Variants in AIG1 observed in about 807,000 individuals in gnomAD.
AIG1 encodes androgen-induced gene 1 protein.
Under a neutral mutation model 31.4 loss-of-function variants are expected in AIG1, and 23 were observed. The ratio of observed to expected loss-of-function variants is 0.73; its 90% CI spans 0.53 to 1.04. The LOEUF (loss-of-function observed/expected upper bound fraction) is 1.04. AIG1 is among the 50% of genes least tolerant of loss of function. The pLI, the probability that AIG1 is intolerant of heterozygous loss-of-function variation, is 0.00. For missense variants in AIG1, 274 were observed against 295.0 expected, an observed-to-expected ratio of 0.93 and a Z score of 0.52; for synonymous variants, 100 against 110.5, an observed-to-expected ratio of 0.90 and a Z score of 0.60.
At chr6:143,114,964 C>CAAGT (rs1781616516) in intron 1 of AIG1, among the ~76,000 whole-genome samples, 1 of 152,328 alleles carries the variant, frequency 6.6e-6, no homozygotes, top group Admixed American at 6.5e-5. Context: ...AGTCAGCATC[C>CAAGT]AAGTAGGGTT....
chr6:143,087,406 G>C (rs937529863), intron 1 of AIG1, among the ~76,000 whole-genome samples: 1 of 152,230 alleles, frequency 6.6e-6, no homozygotes, highest in Non-Finnish European at 1.5e-5. Flanking sequence ...CCAGTGACTA[G>C]TGTTCAGCTC....
At chr6:143,085,822 A>G (rs9386022) in intron 1 of AIG1, among the ~76,000 whole-genome samples, 3 of 152,198 alleles carry the variant, frequency 2.0e-5, no homozygotes, top group African/African-American at 4.8e-5. Flanking sequence ...GGGAGGTGCC[A>G]TCTGTCCTCC....
intron 4 of AIG1, among the ~76,000 whole-genome samples, chr6:143,287,645 G>A (rs1210515236): frequency 2.1e-5 from 3 of 143,114 alleles, no homozygotes; most frequent in Non-Finnish European, 4.5e-5. Context: ...AGCTTAATCA[G>A]AAGTAAAACA....
rs1338347531 is a variant in AIG1, at chr6:143,297,954, A to G, written c.515+13729A>G. ...GATGTGTAAGTCACCCATAAAGCTGAGAATTACGTACAAAACTCTTACATA... is the reference window on the plus strand; with the variant it reads ...GATGTGTAAGTCACCCATAAAGCTGGGAATTACGTACAAAACTCTTACATA... On this transcript the variant is annotated intron_variant, in intron 4 of 5. Coordinates refer to ENST00000357847, the MANE Select transcript of AIG1 (RefSeq NM_016108.4). The surrounding 1 kb of genome is among the most constrained non-coding windows in gnomAD (Gnocchi z 5.1). Among the ~76,000 whole-genome samples the G allele has an allele frequency of 6.6e-6, 1 of 152,158 alleles. No homozygotes were observed. The highest frequency in any genetic ancestry group is 1.5e-5 in the Non-Finnish European group (1 of 68,036).
chr6:143,286,238 G>A (rs571555056), intron 4 of AIG1, among the ~76,000 whole-genome samples: 1 of 152,172 alleles, frequency 6.6e-6, no homozygotes, highest in African/African-American at 2.4e-5. Context: ...GTTCCAAAGA[G>A]ACACATGGGA....
chr6:143,102,491 A>C (rs1780381191), intron 1 of AIG1, among the ~76,000 whole-genome samples: 1 of 147,360 alleles, frequency 6.8e-6, no homozygotes, highest in Non-Finnish European at 1.5e-5. Flanking sequence ...TATATATAAA[A>C]ATATATAATA....
intron 1 of AIG1, among the ~76,000 whole-genome samples, chr6:143,072,861 A>G (rs560028571): frequency 6.6e-6 from 1 of 152,314 alleles, no homozygotes; most frequent in South Asian, 2.1e-4. Context: ...AGATTTGCCC[A>G]TTTTTTGATT....
intron 3 of AIG1, among the ~76,000 whole-genome samples, chr6:143,274,376 A>T (rs1796747970): frequency 6.6e-6 from 1 of 152,232 alleles, no homozygotes; most frequent in Non-Finnish European, 1.5e-5. Context: ...GATGATGATA[A>T]TAACATATAC....
chr6:143,243,140 T>C (rs1046371484), intron 3 of AIG1, among the ~76,000 whole-genome samples: 1 of 152,200 alleles, frequency 6.6e-6, no homozygotes, highest in African/African-American at 2.4e-5. Context: ...ATCTTCCTTT[T>C]AGAAAAAAAT....
chr6:143,201,233 C>G (rs1408382771), intron 3 of AIG1, among the ~76,000 whole-genome samples: 2 of 151,954 alleles, frequency 1.3e-5, no homozygotes, highest in Non-Finnish European at 2.9e-5. Context: ...GTGGCTTGTG[C>G]CTGTAGTCCC....
chr6:143,060,838 G>C (rs1477023570), upstream of AIG1: 1 of 804,596 alleles, frequency 1.2e-6, no homozygotes, highest in Non-Finnish European at 1.5e-6. Context: ...CCCGCGCCCG[G>C]GTTCCCACGG....
At chr6:143,273,741 T>A (rs1247811862) in intron 3 of AIG1, among the ~76,000 whole-genome samples, 1 of 152,004 alleles carries the variant, frequency 6.6e-6, no homozygotes, top group African/African-American at 2.4e-5. Flanking sequence ...AACCATCAGA[T>A]CTTGTGAGAC....
At chr6:143,267,639 G>T (rs889728247) in intron 3 of AIG1, among the ~76,000 whole-genome samples, 2 of 152,130 alleles carry the variant, frequency 1.3e-5, no homozygotes, top group African/African-American at 2.4e-5. Context: ...CCTCATCTTG[G>T]TTCCTTCTTC....
intron 4 of AIG1, among the ~76,000 whole-genome samples, chr6:143,312,297 A>G (rs1230227119): frequency 1.3e-5 from 2 of 152,124 alleles, no homozygotes; most frequent in South Asian, 2.1e-4. Flanking sequence ...CTCACATTAC[A>G]TGACTTCAAA....
chr6:143,075,334 T>C (rs1777638775), intron 1 of AIG1, among the ~76,000 whole-genome samples: 1 of 152,208 alleles, frequency 6.6e-6, no homozygotes, highest in Non-Finnish European at 1.5e-5. Context: ...GTTTTGTTTT[T>C]TGAGAAAAGG....
At chr6:143,089,223 A>G (rs1253587978) in intron 1 of AIG1, among the ~76,000 whole-genome samples, 1 of 152,026 alleles carries the variant, frequency 6.6e-6, no homozygotes. Flanking sequence ...AAAGAAAAAA[A>G]AAAAGACTGC....
intron 1 of AIG1, among the ~76,000 whole-genome samples, chr6:143,071,740 C>T (rs771110103): frequency 6.7e-6 from 1 of 150,276 alleles, no homozygotes; most frequent in Non-Finnish European, 1.5e-5. Flanking sequence ...TTTCTCCTCC[C>T]CCTCTTCCTC....
rs1776744162 is a variant in AIG1, at chr6:143,327,922, A to C, written c.516-5360A>C. Reference sequence around the variant, plus strand: ...AATGAGATGTCTTAAGAACAGTTTGATAAACTGCCTAGAATAGAGGAGAGA... The same window carrying C: ...AATGAGATGTCTTAAGAACAGTTTGCTAAACTGCCTAGAATAGAGGAGAGA... On this transcript the variant is annotated intron_variant, in intron 4 of 5. Transcript: ENST00000357847. This position sits in a 1 kb window ranked among gnomAD's most constrained non-coding sequence, Gnocchi z 5.3. Among the ~76,000 whole-genome samples, 1 of 152,202 alleles carries C rather than the reference A, an allele frequency of 6.6e-6. No individual in the cohort carries two copies.
chr6:143,102,442 C>T (rs12663085), intron 1 of AIG1, among the ~76,000 whole-genome samples: 11,109 of 146,818 alleles, frequency 0.076, 806 homozygotes, highest in East Asian at 0.37. Flanking sequence ...ATGCATTGTT[C>T]AGGGCCTCTT....
Sources: allele counts gnomAD v4.1 joint callset (sites outside exome capture counted in the v4.1 genomes callset), GRCh38; gene constraint gnomAD v4.1.1; non-coding constraint Gnocchi (gnomAD v3.1); transcripts MANE v1.5; gene names NCBI Gene and HGNC (gene_info 2026-07-23, HGNC 2026-07-21).